Variants in GRIN2B observed in about 807,000 individuals in gnomAD.
GRIN2B encodes the protein glutamate ionotropic receptor NMDA type subunit 2B.
In GRIN2B, 5 loss-of-function variants were observed where a neutral mutation model predicts 114.5. The observed-to-expected ratio is 0.04, with a 90% CI of 0.02 to 0.09. GRIN2B has a LOEUF of 0.09. Ranked by LOEUF, GRIN2B falls within the 10% of genes least tolerant of loss-of-function variation. GRIN2B has a pLI of 1.00. For synonymous variants in GRIN2B, 787 were observed against 745.1 expected (o/e 1.06, Z -0.92); for missense variants, 1,108 against 1,943.5 (o/e 0.57, Z 8.08).
At chr12:13,941,481 C>T (rs35881014) in intron 2 of GRIN2B, among the ~76,000 whole-genome samples, 45,519 of 152,058 alleles carry the variant, frequency 0.3, 7,564 homozygotes, top group Middle Eastern at 0.39. Context: ...AGGTGAGGAA[C>T]GGGATTGGGT....
intron 4 of GRIN2B, among the ~76,000 whole-genome samples, chr12:13,747,256 T>G (rs1394013715): frequency 6.6e-6 from 1 of 152,160 alleles, no homozygotes; most frequent in Non-Finnish European, 1.5e-5. Flanking sequence ...GAAAATGCCT[T>G]TCACAAGTTT....
In GRIN2B at chr12:13,959,161, A is replaced by C. The variant is rs1484726069; in HGVS notation, c.-19+20767T>G. 3.3e-5 allele frequency among the ~76,000 whole-genome samples: 5 copies of C among 152,214 alleles called. No individual in the cohort carries two copies. In the East Asian group the frequency reaches 9.6e-4, roughly 29 times the overall value. On this transcript the variant is annotated intron_variant, in intron 2 of 13. Coordinates refer to ENST00000609686, the MANE Select transcript of GRIN2B (RefSeq NM_000834.5). ...TCAGGAAAGTTTCTTAGGGGAGTTCAAAATTGAGCCAGATTTTAAAGGAGG... is the reference window on the plus strand; with the variant it reads ...TCAGGAAAGTTTCTTAGGGGAGTTCCAAATTGAGCCAGATTTTAAAGGAGG...
intron 3 of GRIN2B, among the ~76,000 whole-genome samples, chr12:13,795,376 A>G (rs1864400830): frequency 3.6e-5 from 1 of 28,116 alleles, no homozygotes; most frequent in South Asian, 1.5e-3. Context: ...TGCAGTGGCG[A>G]AAAAAAAAAA....
At chr12:13,912,718 T>A (rs966423519) in intron 2 of GRIN2B, among the ~76,000 whole-genome samples, 18 of 151,970 alleles carry the variant, frequency 1.2e-4, no homozygotes, top group African/African-American at 4.1e-4. Flanking sequence ...CCTTTAAGAG[T>A]CTCAGTTTCC....
chr12:13,857,684 TACTACACTGTCTGTTG>T (rs1460888214), intron 3 of GRIN2B, among the ~76,000 whole-genome samples: 16 of 152,112 alleles, frequency 1.1e-4, no homozygotes, highest in Non-Finnish European at 1.8e-4. Flanking sequence ...AGACACAGTG[TACTACACTGTCTGTTG>T]ACTACACTGT....
intron 2 of GRIN2B, among the ~76,000 whole-genome samples, chr12:13,963,346 C>T (rs1867731422): frequency 6.6e-6 from 1 of 152,238 alleles, no homozygotes; most frequent in East Asian, 1.9e-4. Flanking sequence ...CAGAAATGAA[C>T]GCACCCAGCT....
chr12:13,615,106 T>C lies in GRIN2B; in HGVS notation c.1654+8A>G, dbSNP rs780586152. 1.2e-6 allele frequency: 2 copies of C among 1,610,058 alleles called. No homozygotes were observed. Among genetic ancestry groups the C allele is most frequent in the Non-Finnish European group, 8.5e-7 (1 of 1,176,298 alleles). ...CCATTTCCTTCCACCAGCAAACCCA[T>C]CATTTACCTAAGAAGGCAGAAGGTG... is the stretch of plus-strand genomic sequence containing the variant. On this transcript the variant is annotated splice_region_variant and intron_variant, in intron 8 of 13. Coordinates refer to ENST00000609686, the MANE Select transcript of GRIN2B (RefSeq NM_000834.5). This position sits in a 1 kb window ranked among gnomAD's most constrained non-coding sequence, Gnocchi z 5.8.
At chr12:13,744,313 T>A (rs1039638711) in intron 4 of GRIN2B, among the ~76,000 whole-genome samples, 1 of 152,228 alleles carries the variant, frequency 6.6e-6, no homozygotes, top group Non-Finnish European at 1.5e-5. Flanking sequence ...AAATGTAACA[T>A]ATAAAAGTGT....
rs1948431928 is a variant in GRIN2B, at chr12:13,552,923, T to C, written c.*9860A>G. The C allele has an allele frequency of 6.6e-6, 1 of 152,178 alleles. No homozygotes were observed. The highest frequency in any genetic ancestry group is 2.4e-5 in the African/African-American group (1 of 41,434). The allele number at this position is 152,178 out of a possible 1,614,324, so 9.4% of individuals were successfully genotyped here. A position where few individuals can be genotyped will look rare whatever the true frequency, so the allele number is the denominator to read the frequency against. On this transcript the variant is annotated 3_prime_UTR_variant, in exon 14 of 14. Transcript: ENST00000609686. ...CTTTTTTTTTAAAAAAAGAGACTTG[T>C]CACTGCCTGTAACTTATTTGAGTTC...
intron 2 of GRIN2B, among the ~76,000 whole-genome samples, chr12:13,952,976 A>G (rs1226060062): frequency 6.6e-6 from 1 of 151,530 alleles, no homozygotes; most frequent in Non-Finnish European, 1.5e-5. Flanking sequence ...GAGTTTGGGT[A>G]GGGCACAGCT....
chr12:13,810,141 C>T (rs1053801514), intron 3 of GRIN2B, among the ~76,000 whole-genome samples: 1 of 152,244 alleles, frequency 6.6e-6, no homozygotes, highest in East Asian at 1.9e-4. Flanking sequence ...CCACCACCCC[C>T]CTCCCCACCA....
At chr12:13,778,250 A>G (rs1864042203) in intron 3 of GRIN2B, among the ~76,000 whole-genome samples, 1 of 152,124 alleles carries the variant, frequency 6.6e-6, no homozygotes, top group Admixed American at 6.5e-5. Context: ...CCCACTCTGA[A>G]TCCCCTCAAA....
intron 10 of GRIN2B, among the ~76,000 whole-genome samples, chr12:13,573,411 A>T (rs1948731837): frequency 6.7e-6 from 1 of 149,300 alleles, no homozygotes; most frequent in African/African-American, 2.5e-5. Flanking sequence ...AGATCATGCC[A>T]TTGCACTCCA....
intron 4 of GRIN2B, among the ~76,000 whole-genome samples, chr12:13,677,147 C>T (rs765688): frequency 0.14 from 21,594 of 152,178 alleles, 1,976 homozygotes; most frequent in Middle Eastern, 0.21. Context: ...TAATGATTAG[C>T]TCTGTGTTCA....
chr12:13,890,088 C>T (rs116765090), intron 2 of GRIN2B, among the ~76,000 whole-genome samples: 1,823 of 152,282 alleles, frequency 0.012, 39 homozygotes, highest in African/African-American at 0.041. Context: ...GTCAGCCTTC[C>T]TTTCAGCCCC....
chr12:13,923,501 A>G (rs748760979), intron 2 of GRIN2B, among the ~76,000 whole-genome samples: 2 of 152,216 alleles, frequency 1.3e-5, no homozygotes, highest in Non-Finnish European at 2.9e-5. Context: ...AGCAAAATAC[A>G]TCCATGGTAA....
intron 3 of GRIN2B, among the ~76,000 whole-genome samples, chr12:13,798,032 C>A (rs146531922): frequency 3.3e-5 from 5 of 152,214 alleles, no homozygotes; most frequent in African/African-American, 1.2e-4. Flanking sequence ...GATTCTGAAG[C>A]CTAAGATTCT....
chr12:13,742,363 T>C (rs1292619126), intron 4 of GRIN2B, among the ~76,000 whole-genome samples: 2 of 152,372 alleles, frequency 1.3e-5, no homozygotes, highest in East Asian at 1.9e-4. Context: ...TAGGAAATCA[T>C]ATAAACAAAT....
intron 4 of GRIN2B, among the ~76,000 whole-genome samples, chr12:13,748,048 T>C (rs979214680): frequency 8.5e-5 from 13 of 152,146 alleles, no homozygotes; most frequent in African/African-American, 2.4e-4. Context: ...TTTTTTCACA[T>C]CAGTTATTCA....
Sources: gnomAD v4.1 joint callset for allele counts (sites outside exome capture counted in the v4.1 genomes callset) on GRCh38, gnomAD v4.1.1 for gene constraint, Gnocchi (gnomAD v3.1) non-coding constraint, MANE v1.5 for transcripts, NCBI Gene and HGNC (gene_info 2026-07-23, HGNC 2026-07-21) for gene names.